Variants in PHACTR1 observed in about 807,000 individuals in gnomAD.
PHACTR1 encodes the protein RPEL repeat containing 1.
Under a neutral mutation model 69.2 loss-of-function variants are expected in PHACTR1, and 16 were observed. That is an observed-to-expected ratio of 0.23 (90% CI 0.16 to 0.35). PHACTR1 has a LOEUF of 0.35. Among genes scored for constraint, PHACTR1 ranks in the 10% least tolerant of loss-of-function variants. The pLI is 1.00. For synonymous variants in PHACTR1, 312 were observed against 284.5 expected (o/e 1.10, Z -0.97); for missense variants, 510 against 734.7 (o/e 0.69, Z 3.54).
intron 4 of PHACTR1, among the ~76,000 whole-genome samples, chr6:12,880,285 G>T (rs1782957740): frequency 6.8e-6 from 1 of 148,112 alleles, no homozygotes; most frequent in Non-Finnish European, 1.5e-5. Context: ...AGAGTGCAGA[G>T]ATGTGATCTC....
At chr6:12,963,217 T>A (rs190083623) in intron 4 of PHACTR1, among the ~76,000 whole-genome samples, 1 of 152,182 alleles carries the variant, frequency 6.6e-6, no homozygotes, top group East Asian at 1.9e-4. Context: ...TGAAAAGGCA[T>A]GGACGAAAAA....
At chr6:13,035,866 C>G (rs1803226247) in intron 4 of PHACTR1, among the ~76,000 whole-genome samples, 1 of 152,146 alleles carries the variant, frequency 6.6e-6, no homozygotes, top group African/African-American at 2.4e-5. Flanking sequence ...GCACATTCAA[C>G]CACAACTTCC....
At chr6:12,812,710 CACA>C (rs1442042590) in intron 4 of PHACTR1, among the ~76,000 whole-genome samples, 4 of 152,204 alleles carry the variant, frequency 2.6e-5, no homozygotes, top group Non-Finnish European at 4.4e-5. Context: ...GTGATTCGAG[CACA>C]ACATTTCAGA....
At chr6:12,806,987 A>G (rs1341761986) in intron 4 of PHACTR1, among the ~76,000 whole-genome samples, 2 of 152,222 alleles carry the variant, frequency 1.3e-5, no homozygotes, top group Admixed American at 1.3e-4. Context: ...TATTTTTATG[A>G]TGACATTTTT....
intron 7 of PHACTR1, among the ~76,000 whole-genome samples, chr6:13,200,859 G>C (rs1223713995): frequency 1.3e-5 from 2 of 149,866 alleles, no homozygotes; most frequent in Non-Finnish European, 3.0e-5. Context: ...AAAATCACTT[G>C]AACAACCCGG....
In PHACTR1 at chr6:13,182,634, G is replaced by C; in HGVS notation, c.612G>C (p.Arg204Ser). The C allele has an allele frequency of 6.2e-7, 1 of 1,607,674 alleles. No individual in the cohort carries two copies. The highest frequency in any genetic ancestry group is 8.5e-7 in the Non-Finnish European group (1 of 1,177,080). Reference protein sequence around the residue: ...LSEMEPVPMPRDPCSYEVLQP... With the variant: ...LSEMEPVPMPSDPCSYEVLQP... ...AAATGGAGCCAGTCCCAATGCCCAG[G>C]GATCCCTGCTCATATGAGGTGCTCC... Residue 204 changes from arginine to serine, a missense_variant, in exon 7 of 15, where the codon AGG becomes AGC. Physicochemically the swap from Arg to Ser is moderately radical, Grantham distance 110 (BLOSUM62 -1). This residue lies in a region of PHACTR1 where 419 missense variants were observed against 530.9 expected (regional missense o/e 0.79). Coordinates refer to ENST00000332995, the MANE Select transcript of PHACTR1 (RefSeq NM_030948.6).
chr6:12,841,523 G>T (rs1436410078), intron 4 of PHACTR1, among the ~76,000 whole-genome samples: 2 of 152,160 alleles, frequency 1.3e-5, no homozygotes, highest in African/African-American at 4.8e-5. Context: ...CAGATATCAA[G>T]ATTTTCTTTT....
intron 7 of PHACTR1, among the ~76,000 whole-genome samples, chr6:13,191,423 G>A (rs1026867186): frequency 6.6e-6 from 1 of 152,174 alleles, no homozygotes; most frequent in African/African-American, 2.4e-5. Context: ...GGGTGGTCAG[G>A]AGGCAGAAAG....
At chr6:12,853,602 G>C (rs1215425696) in intron 4 of PHACTR1, among the ~76,000 whole-genome samples, 1 of 152,200 alleles carries the variant, frequency 6.6e-6, no homozygotes, top group African/African-American at 2.4e-5. Context: ...ATTGACTCAT[G>C]GTTCCCCATT....
intron 4 of PHACTR1, among the ~76,000 whole-genome samples, chr6:13,025,707 GTGTC>G (rs1473447680): frequency 2.8e-4 from 42 of 151,674 alleles, no homozygotes; most frequent in Non-Finnish European, 3.2e-4. Context: ...GTGTGTGTGT[GTGTC>G]TGTGTGTATG....
At chr6:13,247,207 A>G (rs2127387648) in intron 10 of PHACTR1, among the ~76,000 whole-genome samples, 1 of 152,340 alleles carries the variant, frequency 6.6e-6, no homozygotes, top group Middle Eastern at 3.4e-3. Context: ...CAGTGGGTGC[A>G]GACAGGTCAT....
chr6:13,151,011 G>C (rs1454978033), intron 5 of PHACTR1, among the ~76,000 whole-genome samples: 2 of 152,166 alleles, frequency 1.3e-5, no homozygotes, highest in African/African-American at 4.8e-5. Flanking sequence ...GGAAGTGGAG[G>C]CATGTTCTAG....
intron 4 of PHACTR1, among the ~76,000 whole-genome samples, chr6:12,851,393 G>A (rs13191496): frequency 0.079 from 12,070 of 152,244 alleles, 560 homozygotes; most frequent in African/African-American, 0.11. Context: ...TTTTGATGGC[G>A]TTAGAAAATG....
At chr6:12,776,899 T>C (rs1770127221) in intron 4 of PHACTR1, among the ~76,000 whole-genome samples, 1 of 152,212 alleles carries the variant, frequency 6.6e-6, no homozygotes, top group African/African-American at 2.4e-5. Flanking sequence ...TTACATGATA[T>C]AGCTTGTTAC....
chr6:12,978,038 T>C (rs1286206183), intron 4 of PHACTR1, among the ~76,000 whole-genome samples: 1 of 152,234 alleles, frequency 6.6e-6, no homozygotes, highest in East Asian at 1.9e-4. Context: ...AGGCCTAATT[T>C]CAGCTCCCGT....
intron 4 of PHACTR1, among the ~76,000 whole-genome samples, chr6:12,846,000 T>C (rs2127750100): frequency 6.6e-6 from 1 of 152,344 alleles, no homozygotes; most frequent in Middle Eastern, 3.4e-3. Context: ...TAAATGTAAT[T>C]TGTTTGCAGT....
At chr6:12,724,381 T>G (rs1762522257) in intron 3 of PHACTR1, among the ~76,000 whole-genome samples, 1 of 152,186 alleles carries the variant, frequency 6.6e-6, no homozygotes, top group Non-Finnish European at 1.5e-5. Context: ...TATCAAGGGC[T>G]GCCCCTTGTA....
intron 4 of PHACTR1, among the ~76,000 whole-genome samples, chr6:12,840,388 C>T (rs1052521863): frequency 6.6e-6 from 1 of 152,140 alleles, no homozygotes; most frequent in Non-Finnish European, 1.5e-5. Flanking sequence ...AAATACTGCC[C>T]ATTTGTTCTG....
At chr6:12,971,722 G>C (rs1448405488) in intron 4 of PHACTR1, among the ~76,000 whole-genome samples, 3 of 152,140 alleles carry the variant, frequency 2.0e-5, no homozygotes, top group Non-Finnish European at 4.4e-5. Context: ...ATACAATTTT[G>C]CAAATATGCT....
Sources: allele counts gnomAD v4.1 joint callset (sites outside exome capture counted in the v4.1 genomes callset), GRCh38; gene constraint gnomAD v4.1.1; regional missense constraint gnomAD v4.1.1; transcripts MANE v1.5; gene names NCBI Gene and HGNC (gene_info 2026-07-23, HGNC 2026-07-21).